The following STARD13 variants were observed in gnomAD, a reference collection of about 807,000 sequenced individuals.
STARD13 encodes stAR-related lipid transfer protein 13.
A neutral mutation model predicts 106.4 loss-of-function variants in STARD13; 62 were observed. The observed-to-expected ratio is 0.58, with a 90% CI of 0.48 to 0.72. The LOEUF is 0.72. Among genes scored for constraint, STARD13 ranks in the 30% least tolerant of loss-of-function variants. The pLI is 0.00. For missense variants in STARD13, 1,387 were observed against 1,424.0 expected, an observed-to-expected ratio of 0.97 and a Z score of 0.42; for synonymous variants, 565 against 553.0, an observed-to-expected ratio of 1.02 and a Z score of -0.31.
the STARD13 span, among the ~76,000 whole-genome samples, chr13:33,406,551 T>C: frequency 6.6e-6 from 1 of 152,200 alleles, no homozygotes; most frequent in Non-Finnish European, 1.5e-5. Flanking sequence ...TTAATCTAGA[T>C]TATTGATTGT....
the STARD13 span, among the ~76,000 whole-genome samples, chr13:33,375,322 A>C: frequency 6.6e-6 from 1 of 152,344 alleles, no homozygotes; most frequent in Admixed American, 6.5e-5. Flanking sequence ...GTGTCTTGGC[A>C]GCTGACAATG....
At chr13:33,369,489 G>C in the STARD13 span, among the ~76,000 whole-genome samples, 1 of 152,132 alleles carries the variant, frequency 6.6e-6, no homozygotes, top group Non-Finnish European at 1.5e-5. Context: ...TTTAAGTTAA[G>C]AACGTTTTCT....
intron 1 of STARD13, among the ~76,000 whole-genome samples, chr13:33,199,031 T>G (rs1407465661): frequency 6.6e-6 from 1 of 152,212 alleles, no homozygotes; most frequent in African/African-American, 2.4e-5. Flanking sequence ...TGAGGTTCAC[T>G]CATCTATTTT....
chr13:33,320,938 A>G (rs1313355177), intron 1 of STARD13, among the ~76,000 whole-genome samples: 2 of 152,206 alleles, frequency 1.3e-5, no homozygotes, highest in Non-Finnish European at 2.9e-5. Flanking sequence ...CTATTAACAT[A>G]TCATTGAAGG....
chr13:33,519,212 CTTTCTTTCTTTCTTTCTTTCTT>C, the STARD13 span, among the ~76,000 whole-genome samples: 5 of 66,410 alleles, frequency 7.5e-5, no homozygotes, highest in South Asian at 4.7e-4. Context: ...GTAATTTTTT[CTTTCTTTCTTTCTTTCTTTCTT>C]TCTTTCTTTC....
At chr13:33,328,902 G>A (rs2077805701) in intron 1 of STARD13, among the ~76,000 whole-genome samples, 1 of 152,210 alleles carries the variant, frequency 6.6e-6, no homozygotes, top group Non-Finnish European at 1.5e-5. Context: ...TGCTTCATGT[G>A]TGTTACTTTA....
chr13:33,360,939 G>T, the STARD13 span, among the ~76,000 whole-genome samples: 24 of 144,748 alleles, frequency 1.7e-4, no homozygotes, highest in Admixed American at 3.5e-4. Context: ...GGGACTACAG[G>T]TGCACGCCAC....
the STARD13 span, among the ~76,000 whole-genome samples, chr13:33,532,949 A>C: frequency 6.6e-6 from 1 of 151,874 alleles, no homozygotes; most frequent in East Asian, 1.9e-4. Flanking sequence ...AAATTTTTCC[A>C]AAGGGGCTGG....
At chr13:33,504,319 G>A in the STARD13 span, among the ~76,000 whole-genome samples, 2 of 151,932 alleles carry the variant, frequency 1.3e-5, no homozygotes, top group Admixed American at 6.6e-5. Flanking sequence ...TGTTTATTGC[G>A]GCACTAGTCA....
Position 33,327,311 on chromosome 13 carries a change from G to A in STARD13, c.124+22979C>T, listed in dbSNP as rs539339202. Among the ~76,000 whole-genome samples, 3 of 152,226 alleles carry A rather than the reference G, an allele frequency of 2.0e-5. No individual in the cohort carries two copies. In the East Asian group the frequency reaches 5.8e-4, roughly 29 times the overall value. The stretch of plus-strand genomic sequence containing the variant: ...AAATATTTTCCAAATGCTATTTTGA[G>A]TACACTTTAGACGTATGTGATTATT... On this transcript the variant is annotated intron_variant, in intron 1 of 5. Transcript: ENST00000567873.
chr13:33,208,601 A>G (rs1167073929), intron 1 of STARD13, among the ~76,000 whole-genome samples: 1 of 152,138 alleles, frequency 6.6e-6, no homozygotes, highest in Non-Finnish European at 1.5e-5. Flanking sequence ...ACACAGTCTG[A>G]GCGGTGAGAG....
Position 33,106,857 on chromosome 13 carries a change from A to C in STARD13, c.3125T>G (p.Leu1042Arg). 6.2e-7 allele frequency: 1 copy of C among 1,614,224 alleles called. No homozygotes were observed. The highest frequency in any genetic ancestry group is 1.1e-5 in the South Asian group (1 of 91,088). ...CATCACCACTGCTCGCACACCACCC[A>C]GGAGCTGGGCTTCCTCATGCTCCAC... is the stretch of plus-strand genomic sequence containing the variant. ...LSVEHEEAQLLGGVRAVVMDS... is the reference protein window; with the variant it reads ...LSVEHEEAQLRGGVRAVVMDS... The change falls in exon 13 of 14, where the codon CTG becomes CGG. Residue 1042 changes from leucine to arginine, a missense_variant. Coordinates refer to ENST00000336934, the MANE Select transcript of STARD13 (RefSeq NM_178006.4).
the STARD13 span, among the ~76,000 whole-genome samples, chr13:33,648,869 G>A: frequency 3.8e-5 from 5 of 130,856 alleles, no homozygotes; most frequent in East Asian, 2.5e-4. Flanking sequence ...TCGGGTCACC[G>A]CAACCTCCGC....
intron 1 of STARD13, among the ~76,000 whole-genome samples, chr13:33,220,108 A>G (rs763145253): frequency 1.4e-4 from 22 of 152,192 alleles, no homozygotes; most frequent in Non-Finnish European, 2.9e-4. Flanking sequence ...ACATTGATAT[A>G]TCTTCAGTGG....
chr13:33,647,166 G>A, the STARD13 span, among the ~76,000 whole-genome samples: 1 of 152,190 alleles, frequency 6.6e-6, no homozygotes, highest in Admixed American at 6.5e-5. Flanking sequence ...CCTGCCTGTA[G>A]CTGTCTTAGA....
chr13:33,661,446 T>C, the STARD13 span: 1 of 152,226 alleles, frequency 6.6e-6, no homozygotes, highest in South Asian at 2.1e-4. Context: ...AACTGTAGTG[T>C]GTGTAGGTAC....
At chr13:33,468,355 T>C in the STARD13 span, among the ~76,000 whole-genome samples, 11 of 152,200 alleles carry the variant, frequency 7.2e-5, no homozygotes, top group African/African-American at 2.7e-4. Flanking sequence ...ATCCTTGTAA[T>C]AGCAACTACT....
At chr13:33,622,703 C>A in the STARD13 span, among the ~76,000 whole-genome samples, 1 of 145,634 alleles carries the variant, frequency 6.9e-6, no homozygotes, top group Non-Finnish European at 1.5e-5. Context: ...GGGCGGATCA[C>A]GAGGTCAGGA....
intron 3 of STARD13, among the ~76,000 whole-genome samples, chr13:33,149,326 C>T (rs985418173): frequency 2.0e-5 from 3 of 152,180 alleles, no homozygotes; most frequent in African/African-American, 7.2e-5. Flanking sequence ...TGAAAACTCT[C>T]TGTAGTTTCT....
Sources: gnomAD v4.1 joint callset for allele counts (sites outside exome capture counted in the v4.1 genomes callset) on GRCh38, gnomAD v4.1.1 for gene constraint, MANE v1.5 for transcripts, NCBI Gene and HGNC (gene_info 2026-07-23, HGNC 2026-07-21) for gene names.